The following AP3M1 variants were observed in gnomAD, a reference collection of about 807,000 sequenced individuals.
AP3M1 encodes AP-3 complex subunit mu-1.
A neutral mutation model predicts 42.6 loss-of-function variants in AP3M1; 29 were observed. The observed-to-expected ratio is 0.68, with a 90% CI of 0.51 to 0.93. The LOEUF (loss-of-function observed/expected upper bound fraction) is 0.93. Among genes scored for constraint, AP3M1 ranks in the 40% least tolerant of loss-of-function variants. AP3M1 has a pLI of 0.00. For synonymous variants in AP3M1, 178 were observed against 175.3 expected (o/e 1.02, Z -0.12); for missense variants, 416 against 510.2 (o/e 0.82, Z 1.78).
At chr10:74,134,653 G>A (rs1840889548) in intron 3 of AP3M1, among the ~76,000 whole-genome samples, 1 of 152,178 alleles carries the variant, frequency 6.6e-6, no homozygotes, top group Non-Finnish European at 1.5e-5. Flanking sequence ...TACCCATACG[G>A]CTGCAATATA....
At chr10:74,129,435 CA>C (rs1426160653) in intron 5 of AP3M1, among the ~76,000 whole-genome samples, 194 bp from the exon 6 acceptor site, 3 of 152,070 alleles carry the variant, frequency 2.0e-5, no homozygotes, top group African/African-American at 7.2e-5. Flanking sequence ...ATTTGAATTT[CA>C]ATAACTATAA....
chr10:74,139,017 A>C (rs1035511498), intron 1 of AP3M1: 1 of 152,044 alleles, frequency 6.6e-6, no homozygotes, highest in Non-Finnish European at 1.5e-5. Context: ...TGAAAGACCG[A>C]ACACTTTCTC....
intron 1 of AP3M1, among the ~76,000 whole-genome samples, chr10:74,140,314 G>A (rs1314921183): frequency 3.9e-5 from 6 of 152,390 alleles, no homozygotes; most frequent in Admixed American, 1.3e-4. Context: ...GCTGGTCGCC[G>A]TAGGTTAAAC....
Position 74,121,058 on chromosome 10 carries a change from G to A in AP3M1, c.*2752C>T, listed in dbSNP as rs906909218. On this transcript the variant is annotated 3_prime_UTR_variant, in exon 9 of 9. Coordinates refer to ENST00000355264, the MANE Select transcript of AP3M1 (RefSeq NM_012095.6). ...TAAAGGGTGATGATATTGATATTTA[G>A]TGTTGCCAACTGCTATTATCACTGC... 1.3e-5 allele frequency: 2 copies of A among 152,130 alleles called. No homozygotes were observed. The highest frequency in any genetic ancestry group is 2.1e-4 in the South Asian group (1 of 4,828). The allele number at this position is 152,130 out of a possible 1,614,324, so 9.4% of individuals were successfully genotyped here. A position where few individuals can be genotyped will look rare whatever the true frequency, so the allele number is the denominator to read the frequency against.
chr10:74,136,156 T>G (rs769163026), intron 3 of AP3M1, among the ~76,000 whole-genome samples: 1 of 152,232 alleles, frequency 6.6e-6, no homozygotes, highest in African/African-American at 2.4e-5. Flanking sequence ...ATCTTCTGAA[T>G]GCATAAAAAC....
Position 74,136,743 on chromosome 10 carries a change from G to A in AP3M1, c.334C>T (p.Leu112Phe). ...IKDNVVIVYE[L>F]LEEMLDNGFP... is the part of the protein sequence containing the mutation. ...CCATTGTCTAACATTTCTTCTAAGAGTTCATATACTATGACCACATTATCC... is the reference window on the plus strand; with the variant it reads ...CCATTGTCTAACATTTCTTCTAAGAATTCATATACTATGACCACATTATCC... The change falls in exon 3 of 9, where the codon CTC becomes TTC. Residue 112 changes from leucine (L) to phenylalanine (F), a missense_variant. Coordinates refer to ENST00000355264, the MANE Select transcript of AP3M1 (RefSeq NM_012095.6). 6.3e-7 allele frequency: 1 copy of A among 1,588,818 alleles called. No homozygotes were observed. Among genetic ancestry groups the A allele is most frequent in the Non-Finnish European group, 8.6e-7 (1 of 1,160,902 alleles).
chr10:74,147,651 T>A (rs1165297876), intron 1 of AP3M1, among the ~76,000 whole-genome samples: 2 of 152,244 alleles, frequency 1.3e-5, no homozygotes, highest in East Asian at 1.9e-4. Context: ...GCAGTTTTTA[T>A]CTGCTTTGAG....
chr10:74,127,341 A>G (rs1840648170), intron 6 of AP3M1, among the ~76,000 whole-genome samples: 1 of 152,092 alleles, frequency 6.6e-6, no homozygotes, highest in Non-Finnish European at 1.5e-5. Flanking sequence ...GAAGTTTAAT[A>G]ACAGTATAAA....
intron 6 of AP3M1, among the ~76,000 whole-genome samples, chr10:74,127,530 G>A (rs188745728): frequency 4.6e-5 from 7 of 151,842 alleles, no homozygotes; most frequent in Non-Finnish European, 7.4e-5. Context: ...GCGGTGGCAG[G>A]TGCCTGTAAT....
chr10:74,143,928 G>A (rs925949188), intron 1 of AP3M1, among the ~76,000 whole-genome samples: 7 of 152,160 alleles, frequency 4.6e-5, no homozygotes, highest in African/African-American at 1.4e-4. Context: ...TGTGGCTAAT[G>A]TACCCAATAC....
rs1333976816 is a variant in AP3M1 at position 74,136,819 on chromosome 10, C to G, written c.274-16G>C. The G allele has an allele frequency of 1.4e-6, 2 of 1,464,792 alleles. No homozygotes were observed. The highest frequency in any genetic ancestry group is 4.1e-5 in the Admixed American group (2 of 49,046). 90.7% of individuals were successfully genotyped at this position (1,464,792 alleles called of 1,614,324 possible). A position where few individuals can be genotyped will look rare whatever the true frequency, so the allele number is the denominator to read the frequency against. ...CAAAGTAGTCCTGACAAAATACACA[C>G]AAAATATCACACAATGGAAGGCAAA... On this transcript the variant is annotated splice_polypyrimidine_tract_variant and intron_variant, in intron 2 of 8. Coordinates refer to ENST00000355264, the MANE Select transcript of AP3M1 (RefSeq NM_012095.6).
rs1025962654 is a variant in AP3M1, at chr10:74,122,811, A to ATTT, written c.*996_*998dup. On this transcript the variant is annotated 3_prime_UTR_variant, in exon 9 of 9. Coordinates refer to ENST00000355264, the MANE Select transcript of AP3M1 (RefSeq NM_012095.6). ...ACCCTTAAGAACAACAACAAAAAAGATTTAAAAAGACTGATGACTGTGAGG... is the reference window on the plus strand; with the variant it reads ...ACCCTTAAGAACAACAACAAAAAAGATTTTTTAAAAAGACTGATGACTGTGAGG... 1 of 152,226 alleles carries ATTT rather than the reference A, an allele frequency of 6.6e-6. No individual in the cohort carries two copies. The highest frequency in any genetic ancestry group is 1.5e-5 in the Non-Finnish European group (1 of 68,038). The allele number at this position is 152,226 out of a possible 1,614,324, so 9.4% of individuals were successfully genotyped here.
intron 1 of AP3M1, among the ~76,000 whole-genome samples, chr10:74,141,518 C>T (rs1330049937): frequency 2.0e-5 from 3 of 151,640 alleles, no homozygotes; most frequent in Non-Finnish European, 2.9e-5. Flanking sequence ...TACATACAAA[C>T]GAATCTTACA....
chr10:74,124,374 C>T lies in AP3M1; in HGVS notation c.1156+6G>A, dbSNP rs765575435. 4 of 1,603,618 alleles carry T rather than the reference C, an allele frequency of 2.5e-6. No homozygotes were observed. The highest frequency in any genetic ancestry group is 1.8e-5 in the Admixed American group (1 of 56,970). On this transcript the variant is annotated splice_donor_region_variant and intron_variant, in intron 8 of 8. Transcript: ENST00000355264. Reference sequence around the variant, plus strand: ...ACCCTTAACTACAAGTCAACCTTATCCTTACCTGAAATAGCAAGCTGCTGG... The same window carrying T: ...ACCCTTAACTACAAGTCAACCTTATTCTTACCTGAAATAGCAAGCTGCTGG...
At chr10:74,138,759 C>T (rs1380301170) in intron 1 of AP3M1, 1 of 167,814 alleles carries the variant, frequency 6.0e-6, no homozygotes, top group Admixed American at 6.2e-5. Context: ...GGCAAAACAT[C>T]ATCTTTACAA....
chr10:74,135,815 T>C (rs780938114), intron 3 of AP3M1, among the ~76,000 whole-genome samples: 2 of 152,200 alleles, frequency 1.3e-5, no homozygotes, highest in Admixed American at 1.3e-4. Context: ...TATCTTTCTT[T>C]GAATTTCTCC....
At chr10:74,130,897 G>C (rs545792999) in intron 4 of AP3M1, among the ~76,000 whole-genome samples, 1 of 152,170 alleles carries the variant, frequency 6.6e-6, no homozygotes, top group South Asian at 2.1e-4. Flanking sequence ...GATTATCTGA[G>C]CTCAGGAGTT....
In AP3M1 at chr10:74,126,294, C is replaced by A. The variant is rs760474868; in HGVS notation, c.865G>T (p.Gly289Cys). 6.2e-6 allele frequency: 10 copies of A among 1,614,094 alleles called. No homozygotes were observed. The highest frequency in any genetic ancestry group is 2.2e-5 in the South Asian group (2 of 91,076). ...GGTCCAATTGTTATATCAAATCTGCCGCAAGAACTGTTCTCCTTAAAGCTG... is the reference window on the plus strand; with the variant it reads ...GGTCCAATTGTTATATCAAATCTGCAGCAAGAACTGTTCTCCTTAAAGCTG... ...SISFKENSSC[G>C]RFDITIGPKQ... is the part of the protein sequence containing the mutation. Residue 289 changes from glycine (G) to cysteine (C), a missense_variant, in exon 7 of 9, where the codon GGC becomes TGC. Physicochemically the swap from Gly to Cys is radical, Grantham distance 159. Transcript: ENST00000355264.
chr10:74,129,097 C>A lies in AP3M1; in HGVS notation c.803+11G>T. On this transcript the variant is annotated intron_variant, in intron 6 of 8. Coordinates refer to ENST00000355264, the MANE Select transcript of AP3M1 (RefSeq NM_012095.6). ...GTATGATGGCAGATTCTGGCTGATG[C>A]ATCAACATACTTTTGTGAGCTGACA... 6.2e-7 allele frequency: 1 copy of A among 1,613,452 alleles called. No homozygotes were observed. Among genetic ancestry groups the A allele is most frequent in the South Asian group, 1.1e-5 (1 of 90,988 alleles).
Sources: allele counts gnomAD v4.1 joint callset (sites outside exome capture counted in the v4.1 genomes callset), GRCh38; gene constraint gnomAD v4.1.1; transcripts MANE v1.5; gene names NCBI Gene and HGNC (gene_info 2026-07-23, HGNC 2026-07-21).